ARHGAP25: variants seen among roughly 807,000 people sequenced by gnomAD.
ARHGAP25 encodes the protein Rho GTPase activating protein 25.
In ARHGAP25, 34 loss-of-function variants were observed where a neutral mutation model predicts 71.0. That is an observed-to-expected ratio of 0.48 (90% CI 0.36 to 0.64). The LOEUF (loss-of-function observed/expected upper bound fraction) is 0.64, where lower values mean the gene tolerates loss of function less well. Among genes scored for constraint, ARHGAP25 ranks in the 30% least tolerant of loss-of-function variants. The pLI, the probability that ARHGAP25 is intolerant of heterozygous loss-of-function variation, is 0.00. For synonymous variants in ARHGAP25, 282 were observed against 296.5 expected (o/e 0.95, Z 0.50); for missense variants, 706 against 805.1 (o/e 0.88, Z 1.49).
chr2:68,804,447 G>A (rs948855558), intron 4 of ARHGAP25, among the ~76,000 whole-genome samples: 7 of 152,280 alleles, frequency 4.6e-5, no homozygotes, highest in African/African-American at 1.7e-4. Context: ...TTTCAATCAT[G>A]TCCTATCAAT....
chr2:68,791,998 T>G (rs1679208396), intron 4 of ARHGAP25, among the ~76,000 whole-genome samples: 2 of 152,204 alleles, frequency 1.3e-5, no homozygotes, highest in Non-Finnish European at 2.9e-5. Context: ...TCCTCTAAAC[T>G]ACTCCTTCCT....
chr2:68,824,488 A>G (rs1681951007), intron 10 of ARHGAP25, among the ~76,000 whole-genome samples: 1 of 152,248 alleles, frequency 6.6e-6, no homozygotes, highest in South Asian at 2.1e-4. Context: ...CACGCTTGTA[A>G]TCCCAGCACT....
In ARHGAP25 at chr2:68,782,387, T is replaced by C. The variant is rs1358710488; in HGVS notation, c.349+67T>C. 10 of 1,424,494 alleles carry C rather than the reference T, an allele frequency of 7.0e-6. No homozygotes were observed. In the African/African-American group the frequency reaches 1.4e-4, roughly 20 times the overall value. 88.2% of individuals were successfully genotyped at this position (1,424,494 alleles called of 1,614,324 possible). A position where few individuals can be genotyped will look rare whatever the true frequency, so the allele number is the denominator to read the frequency against. ...AAATTCCCATTTTACTTCTGGACCC[T>C]AGAAGTCAAAGCTATATTCGGAGAG... On this transcript the variant is annotated intron_variant, in intron 3 of 10. Coordinates refer to ENST00000409202, the MANE Select transcript of ARHGAP25 (RefSeq NM_001007231.3).
Position 68,719,652 on chromosome 2 carries a change from C to A in ARHGAP25, c.-18+8954C>A, listed in dbSNP as rs375719811. Among the ~76,000 whole-genome samples, 14 of 152,178 alleles carry A rather than the reference C, an allele frequency of 9.2e-5. No homozygotes were observed. The East Asian group carries it at 2.5e-3, about 27-fold the overall frequency. On this transcript the variant is annotated intron_variant and NMD_transcript_variant, in intron 2 of 7. Coordinates refer to the ARHGAP25 transcript ENST00000463483. ...CTACCACAACTTTGCTGTCAGATACCATTTTAAGGTAACTTAATGATTATT... is the reference window on the plus strand; with the variant it reads ...CTACCACAACTTTGCTGTCAGATACAATTTTAAGGTAACTTAATGATTATT...
At chr2:68,733,092 C>T (rs761909370), upstream of ARHGAP25, among the ~76,000 whole-genome samples, 2 of 152,116 alleles carry the variant, frequency 1.3e-5, no homozygotes, top group Non-Finnish European at 2.9e-5. Context: ...TGGTTTCCTT[C>T]AATATTTAGA....
intron 3 of ARHGAP25, among the ~76,000 whole-genome samples, chr2:68,784,190 TCA>T (rs550738447): frequency 6.7e-6 from 1 of 150,066 alleles, no homozygotes; most frequent in Non-Finnish European, 1.5e-5. Flanking sequence ...TCTCTCTCTC[TCA>T]CACACACACA....
chr2:68,718,118 T>C (rs1208259255), intron 2 of ARHGAP25, among the ~76,000 whole-genome samples: 2 of 151,524 alleles, frequency 1.3e-5, no homozygotes, highest in Admixed American at 1.3e-4. Context: ...TTACAGAGAA[T>C]TGGGAACTTA....
At chr2:68,823,012 A>C (rs2103731800) in intron 10 of ARHGAP25, 140 bp downstream of exon 10, 1 of 868,504 alleles carries the variant, frequency 1.2e-6, no homozygotes, top group East Asian at 2.7e-5. Context: ...CCTAGAAAGA[A>C]AAGAGTAAAG....
rs368765831 is a variant in ARHGAP25 at position 68,815,708 on chromosome 2, C to G, written c.808-581C>G. On this transcript the variant is annotated intron_variant, in intron 6 of 10. Transcript: ENST00000409202. ...GTTGAAAAGAACACGGAAAAGCTCG[C>G]TGTCCCTCTTCTCTCCAGCACATGC... Among the ~76,000 whole-genome samples the G allele has an allele frequency of 5.9e-5, 9 of 152,240 alleles. No homozygotes were observed. In the East Asian group the frequency reaches 9.7e-4, roughly 16 times the overall value.
rs1333821587 is a variant in ARHGAP25, at chr2:68,767,809, G to A, written c.62-7412G>A. ...GTGTTTTCGAGGCCTGCTGAGCCTT[G>A]CAGAGCATACACTGGCGGAAATAGC... On this transcript the variant is annotated intron_variant, in intron 1 of 10. Transcript: ENST00000409202. The surrounding 1 kb of genome is among the most constrained non-coding windows in gnomAD (Gnocchi z 4.6). Among the ~76,000 whole-genome samples, 1 of 152,184 alleles carries A rather than the reference G, an allele frequency of 6.6e-6. No individual in the cohort carries two copies. Among genetic ancestry groups the A allele is most frequent in the Admixed American group, 6.5e-5 (1 of 15,284 alleles).
intron 1 of ARHGAP25, among the ~76,000 whole-genome samples, chr2:68,736,735 A>C (rs1675242370): frequency 2.0e-5 from 3 of 152,194 alleles, no homozygotes; most frequent in Non-Finnish European, 4.4e-5. Flanking sequence ...TCCCATAGAT[A>C]ACCTATATCA....
upstream of ARHGAP25, among the ~76,000 whole-genome samples, chr2:68,729,906 G>A (rs1674974993): frequency 6.6e-6 from 1 of 152,188 alleles, no homozygotes; most frequent in African/African-American, 2.4e-5. Flanking sequence ...CCCTGAGGGG[G>A]GAAAAGGACT....
intron 3 of ARHGAP25, among the ~76,000 whole-genome samples, chr2:68,782,670 G>A (rs1432567010): frequency 6.6e-6 from 1 of 152,160 alleles, no homozygotes; most frequent in Non-Finnish European, 1.5e-5. Flanking sequence ...TAGAAGGAGA[G>A]TAGGTCATCA....
chr2:68,738,535 G>C (rs1037669774), intron 1 of ARHGAP25, among the ~76,000 whole-genome samples: 2 of 152,140 alleles, frequency 1.3e-5, no homozygotes, highest in Non-Finnish European at 2.9e-5. Flanking sequence ...CCTGGGTTAT[G>C]GACTGAATGT....
chr2:68,720,435 A>T (rs539952282), intron 2 of ARHGAP25, among the ~76,000 whole-genome samples: 4 of 152,038 alleles, frequency 2.6e-5, no homozygotes, highest in Non-Finnish European at 4.4e-5. Flanking sequence ...TGTAGCCATT[A>T]TGTAGCCATA....
intron 6 of ARHGAP25, among the ~76,000 whole-genome samples, chr2:68,815,039 TG>T (rs2103675737): frequency 6.6e-6 from 1 of 152,342 alleles, no homozygotes; most frequent in South Asian, 2.1e-4. Flanking sequence ...CCCTGGGTTC[TG>T]GGGAAAGTAA....
chr2:68,783,312 A>C (rs781774612), intron 3 of ARHGAP25, among the ~76,000 whole-genome samples: 1 of 152,250 alleles, frequency 6.6e-6, no homozygotes, highest in African/African-American at 2.4e-5. Context: ...AGTGCATGTC[A>C]TATCAGTGTT....
At chr2:68,805,456 T>C (rs1020905816) in intron 4 of ARHGAP25, among the ~76,000 whole-genome samples, 1 of 152,012 alleles carries the variant, frequency 6.6e-6, no homozygotes, top group Non-Finnish European at 1.5e-5. Context: ...TCCCAACACC[T>C]GATGTGATGA....
chr2:68,802,707 A>AAGAGAGAG (rs35124579), intron 4 of ARHGAP25, among the ~76,000 whole-genome samples: 19 of 148,268 alleles, frequency 1.3e-4, no homozygotes, highest in African/African-American at 4.2e-4. Context: ...ATAGAGGAGA[A>AAGAGAGAG]AGAGAGAGAG....
Sources: gnomAD v4.1 joint callset for allele counts (sites outside exome capture counted in the v4.1 genomes callset) on GRCh38, gnomAD v4.1.1 for gene constraint, Gnocchi (gnomAD v3.1) non-coding constraint, MANE v1.5 for transcripts, NCBI Gene and HGNC (gene_info 2026-07-23, HGNC 2026-07-21) for gene names.